The following RNMT variants were observed in gnomAD, a reference collection of about 807,000 sequenced individuals.
RNMT encodes mRNA cap guanine-N(7) methyltransferase.
In RNMT, 27 loss-of-function variants were observed where a neutral mutation model predicts 56.0. The ratio of observed to expected loss-of-function variants is 0.48; its 90% CI spans 0.36 to 0.67. The LOEUF (loss-of-function observed/expected upper bound fraction) is 0.67. RNMT is among the 30% of genes least tolerant of loss of function. The pLI, the probability that RNMT is intolerant of heterozygous loss-of-function variation, is 0.00. For missense variants in RNMT, 519 were observed against 552.1 expected (o/e 0.94, Z 0.60); for synonymous variants, 184 against 176.2 (o/e 1.04, Z -0.35).
chr18:13,740,076 G>A lies in RNMT; in HGVS notation c.680-91G>A, dbSNP rs746906399. 1.2e-3 allele frequency: 967 copies of A among 792,096 alleles called. 3 individuals are homozygous for A. The highest frequency in any genetic ancestry group is 1.8e-3 in the Non-Finnish European group (845 of 459,626). The allele number at this position is 792,096 out of a possible 1,614,324, so 49.1% of individuals were successfully genotyped here. On this transcript the variant is annotated intron_variant, in intron 5 of 11. Transcript: ENST00000383314. ...AAACCTTTTCACTGGTACTAAGGCT[G>A]ACTTTTATGCCAGAGTTTGTCAGTT... is the stretch of plus-strand genomic sequence containing the variant.
chr18:13,730,058 G>A (rs950961045), intron 1 of RNMT, among the ~76,000 whole-genome samples: 2 of 152,178 alleles, frequency 1.3e-5, no homozygotes, highest in African/African-American at 4.8e-5. Flanking sequence ...CCAAAGTGGT[G>A]GGATTACAGG....
chr18:13,742,431 GTC>G, intron 7 of RNMT, 55 bp from the exon 8 acceptor site: 1 of 1,514,182 alleles, frequency 6.6e-7, no homozygotes, highest in Non-Finnish European at 9.1e-7. Flanking sequence ...ATCAAAATAA[GTC>G]TACACTAATC....
At chr18:13,734,183 G>C (rs995664462) in intron 3 of RNMT, among the ~76,000 whole-genome samples, 4 of 152,096 alleles carry the variant, frequency 2.6e-5, no homozygotes, top group Non-Finnish European at 5.9e-5. Context: ...GGCCTCCCCC[G>C]CCACGAGGAA....
rs1324368688 is a variant in RNMT, at chr18:13,762,529, T to G, written c.*2550T>G. 1 of 206,298 alleles carries G rather than the reference T, an allele frequency of 4.8e-6. No homozygotes were observed. Among genetic ancestry groups the G allele is most frequent in the African/African-American group, 2.4e-5 (1 of 42,380 alleles). 12.8% of individuals were successfully genotyped at this position (206,298 alleles called of 1,614,324 possible). On this transcript the variant is annotated 3_prime_UTR_variant, in exon 12 of 12. Transcript: ENST00000383314. ...ATTGGCCTTCAGCTGGAGAAAACATTGGGTGGAGACTCTCACTTATGTTAA... is the reference window on the plus strand; with the variant it reads ...ATTGGCCTTCAGCTGGAGAAAACATGGGGTGGAGACTCTCACTTATGTTAA...
Position 13,731,897 on chromosome 18 carries a change from G to A in RNMT, c.380G>A (p.Arg127Lys). 1 of 1,601,162 alleles carries A rather than the reference G, an allele frequency of 6.2e-7. No individual in the cohort carries two copies. The highest frequency in any genetic ancestry group is 8.5e-7 in the Non-Finnish European group (1 of 1,177,220). The change falls in exon 3 of 12, where the codon AGA becomes AAA. Residue 127 changes from arginine (R) to lysine (K), a missense_variant. Coordinates refer to ENST00000383314, the MANE Select transcript of RNMT (RefSeq NM_003799.3). ...ACTGGAGATGGCACTCAAAATAAGA[G>A]AAAAATAGCACTTGAGGATGTTCCT... ...SSTGDGTQNK[R>K]KIALEDVPEK...
In RNMT at chr18:13,731,572, A is replaced by G. The variant is rs201562560; in HGVS notation, c.55A>G (p.Lys19Glu). Residue 19 changes from lysine to glutamate, a missense_variant, in exon 3 of 12, where the codon AAA (lysine) becomes GAA (glutamate). Physicochemically the swap from Lys to Glu is moderately conservative, Grantham distance 56 (BLOSUM62 1). Transcript: ENST00000383314. Reference protein sequence around the residue: ...EYEKMSLEQAKASVNSETESS... With the variant: ...EYEKMSLEQAEASVNSETESS... ...TGAAAAGATGTCTCTTGAACAGGCA[A>G]AAGCGTCAGTGAATTCTGAAACAGA... is the stretch of plus-strand genomic sequence containing the variant. 6.6e-5 allele frequency: 107 copies of G among 1,612,460 alleles called. No individual in the cohort carries two copies. Among genetic ancestry groups the G allele is most frequent in the Non-Finnish European group, 2.5e-5 (30 of 1,179,638 alleles).
Position 13,763,683 on chromosome 18 carries a change from G to A in RNMT, c.*3704G>A. The A allele has an allele frequency of 6.5e-6, 1 of 153,244 alleles. No homozygotes were observed. Among genetic ancestry groups the A allele is most frequent in the East Asian group, 1.9e-4 (1 of 5,220 alleles). The allele number at this position is 153,244 out of a possible 1,614,324, so 9.5% of individuals were successfully genotyped here. On this transcript the variant is annotated 3_prime_UTR_variant, in exon 12 of 12. Coordinates refer to ENST00000383314, the MANE Select transcript of RNMT (RefSeq NM_003799.3). ...TTCCCATTTTAATGATGAGGAAACT[G>A]AGTCATAGAGGATACAGACTTGCCC...
chr18:13,732,883 T>C (rs2044097198), intron 3 of RNMT, among the ~76,000 whole-genome samples: 1 of 151,094 alleles, frequency 6.6e-6, no homozygotes, highest in African/African-American at 2.4e-5. Context: ...TGCCTCAGCC[T>C]CCCGAGTAGC....
At position 13,731,222 on chromosome 18, in the gene RNMT, C is replaced by T. The variant is rs529595140; in HGVS notation, c.-42-254C>T. ...AGGAGTTAGAGACCAGCCTGCCCAACGTGGGGAAATCGCGTCTCAGCTAAA... is the reference window on the plus strand; with the variant it reads ...AGGAGTTAGAGACCAGCCTGCCCAATGTGGGGAAATCGCGTCTCAGCTAAA... On this transcript the variant is annotated intron_variant, in intron 2 of 11. Coordinates refer to ENST00000383314, the MANE Select transcript of RNMT (RefSeq NM_003799.3). Among the ~76,000 whole-genome samples the T allele has an allele frequency of 2.6e-5, 4 of 152,178 alleles. No homozygotes were observed. The South Asian group carries it at 6.2e-4, about 24-fold the overall frequency.
chr18:13,756,451 T>G (rs889438562), intron 11 of RNMT, among the ~76,000 whole-genome samples: 1 of 152,068 alleles, frequency 6.6e-6, no homozygotes, highest in Non-Finnish European at 1.5e-5. Context: ...AGGGCTGGGC[T>G]GCACAAAGGT....
rs772470412 is a variant in RNMT, at chr18:13,764,213, C to G, written c.*4234C>G. On this transcript the variant is annotated 3_prime_UTR_variant, in exon 12 of 12. Transcript: ENST00000383314. ...GTCGAGTATCCAGACAGAGGCAAATCATTTTGTTTAACTTTTTATTAAAGT... is the reference window on the plus strand; with the variant it reads ...GTCGAGTATCCAGACAGAGGCAAATGATTTTGTTTAACTTTTTATTAAAGT... 6.6e-6 allele frequency: 1 copy of G among 152,116 alleles called. No individual in the cohort carries two copies. Among genetic ancestry groups the G allele is most frequent in the Non-Finnish European group, 1.5e-5 (1 of 68,022 alleles). 9.4% of individuals were successfully genotyped at this position (152,116 alleles called of 1,614,324 possible). A position where few individuals can be genotyped will look rare whatever the true frequency, so the allele number is the denominator to read the frequency against.
Position 13,760,535 on chromosome 18 carries a change from G to T in RNMT, c.*556G>T. On this transcript the variant is annotated 3_prime_UTR_variant, in exon 12 of 12. Transcript: ENST00000383314. Reference sequence around the variant, plus strand: ...TTAGCTAAAATTTTAGCAATTTATTGCATTTTGAAATAATCATTAACATGC... The same window carrying T: ...TTAGCTAAAATTTTAGCAATTTATTTCATTTTGAAATAATCATTAACATGC... 1.0e-6 allele frequency: 1 copy of T among 985,674 alleles called. No individual in the cohort carries two copies. Among genetic ancestry groups the T allele is most frequent in the Non-Finnish European group, 1.2e-6 (1 of 829,810 alleles). 61.1% of individuals were successfully genotyped at this position (985,674 alleles called of 1,614,324 possible).
intron 6 of RNMT, among the ~76,000 whole-genome samples, 177 bp downstream of exon 6, chr18:13,740,456 A>G (rs1002721743): frequency 1.3e-5 from 2 of 152,120 alleles, no homozygotes; most frequent in Non-Finnish European, 2.9e-5. Context: ...GCTTACTGCA[A>G]CCTCTGCCTC....
intron 9 of RNMT, among the ~76,000 whole-genome samples, chr18:13,747,739 A>G (rs2044376103): frequency 6.6e-6 from 1 of 152,204 alleles, no homozygotes; most frequent in African/African-American, 2.4e-5. Context: ...GTAAAATTTC[A>G]TATTCCTCAT....
At chr18:13,758,564 AAG>A (rs562373965) in intron 11 of RNMT, among the ~76,000 whole-genome samples, 138 of 152,230 alleles carry the variant, frequency 9.1e-4, no homozygotes, top group African/African-American at 3.1e-3. Context: ...CATAGAATTG[AAG>A]AGAGAGAGTT....
intron 8 of RNMT, 68 bp from the exon 9 acceptor site, chr18:13,746,152 G>A (rs779149504): frequency 6.2e-6 from 5 of 804,388 alleles, no homozygotes; most frequent in African/African-American, 5.2e-5. Flanking sequence ...TGTCATTGCT[G>A]TACAAAAGTA....
At chr18:13,728,039 G>A (rs2043992696) in intron 1 of RNMT, among the ~76,000 whole-genome samples, 1 of 152,160 alleles carries the variant, frequency 6.6e-6, no homozygotes, top group South Asian at 2.1e-4. Flanking sequence ...ATAAACTTGA[G>A]ACTGCAGATA....
intron 10 of RNMT, 47 bp from the exon 11 acceptor site, chr18:13,754,067 C>T (rs1342038662): frequency 3.7e-6 from 4 of 1,074,244 alleles, no homozygotes; most frequent in Non-Finnish European, 4.2e-6. Context: ...CATATGTTTA[C>T]TTCCATATTG....
intron 9 of RNMT, among the ~76,000 whole-genome samples, chr18:13,747,073 AG>A (rs2044364015): frequency 6.6e-6 from 1 of 152,232 alleles, no homozygotes; most frequent in South Asian, 2.1e-4. Flanking sequence ...ATTATTGATC[AG>A]TAGAATCATA....
Sources: allele counts gnomAD v4.1 joint callset (sites outside exome capture counted in the v4.1 genomes callset), GRCh38; gene constraint gnomAD v4.1.1; transcripts MANE v1.5; gene names NCBI Gene and HGNC (gene_info 2026-07-23, HGNC 2026-07-21).